Variants in FRMD4A observed in about 807,000 individuals in gnomAD.
FRMD4A encodes the protein FERM domain-containing protein 4A.
FRMD4A carries 29 observed loss-of-function variants against 129.1 expected under a neutral mutation model. The ratio of observed to expected loss-of-function variants is 0.22; its 90% CI spans 0.17 to 0.31. The LOEUF (loss-of-function observed/expected upper bound fraction) is 0.31. Ranked by LOEUF, FRMD4A falls within the 10% of genes least tolerant of loss-of-function variation. The pLI is 1.00. For missense variants in FRMD4A, 1,272 were observed against 1,375.8 expected (o/e 0.92, Z 1.19); for synonymous variants, 634 against 571.6 (o/e 1.11, Z -1.56).
chr10:14,075,284 A>G (rs1835520569), intron 2 of FRMD4A, among the ~76,000 whole-genome samples: 3 of 152,216 alleles, frequency 2.0e-5, no homozygotes, highest in Non-Finnish European at 2.9e-5. Context: ...AGAAGAGGAA[A>G]GGGGAGGACA....
At chr10:14,168,395 C>T (rs1053063805) in intron 2 of FRMD4A, among the ~76,000 whole-genome samples, 1 of 152,230 alleles carries the variant, frequency 6.6e-6, no homozygotes. Context: ...AATCCACAGT[C>T]TCTTCTTCTA....
intron 14 of FRMD4A, among the ~76,000 whole-genome samples, chr10:13,696,748 T>TA (rs1282245117): frequency 1.1e-3 from 169 of 151,140 alleles, no homozygotes; most frequent in African/African-American, 3.4e-3. Context: ...TGAGACTGTC[T>TA]AAAAAAAAAG....
chr10:14,096,209 G>C (rs527574695), intron 2 of FRMD4A, among the ~76,000 whole-genome samples: 1 of 152,286 alleles, frequency 6.6e-6, no homozygotes, highest in East Asian at 1.9e-4. Flanking sequence ...AGGCTGGAGG[G>C]AACCTGTTTG....
chr10:13,992,881 T>A (rs10906561), intron 2 of FRMD4A, among the ~76,000 whole-genome samples: 51,330 of 138,074 alleles, frequency 0.37, 9,535 homozygotes, highest in East Asian at 0.76. Context: ...TGACCCCCGG[T>A]GGCAGAGGTT....
At chr10:14,170,231 T>C (rs11258910) in intron 2 of FRMD4A, among the ~76,000 whole-genome samples, 45,988 of 152,040 alleles carry the variant, frequency 0.3, 7,037 homozygotes, top group Admixed American at 0.34. Flanking sequence ...AAATATAGCA[T>C]GATCAGGAAA....
intron 2 of FRMD4A, among the ~76,000 whole-genome samples, chr10:14,045,814 T>A (rs1003381362): frequency 4.8e-5 from 7 of 146,010 alleles, no homozygotes; most frequent in African/African-American, 1.7e-4. Context: ...ATAGAATAGA[T>A]ATGTATTATA....
intron 2 of FRMD4A, among the ~76,000 whole-genome samples, chr10:14,036,717 GA>G (rs1427389615): frequency 6.6e-6 from 1 of 152,084 alleles, no homozygotes; most frequent in Admixed American, 6.5e-5. Flanking sequence ...CGAGTAGCTG[GA>G]ATTACAGGCT....
chr10:14,124,395 G>A (rs1838711201), intron 2 of FRMD4A, among the ~76,000 whole-genome samples: 1 of 152,174 alleles, frequency 6.6e-6, no homozygotes, highest in Admixed American at 6.5e-5. Flanking sequence ...ATTTAAGTGG[G>A]CCGGACACGG....
intron 2 of FRMD4A, among the ~76,000 whole-genome samples, chr10:13,946,396 A>C (rs1373266176): frequency 6.6e-6 from 1 of 152,176 alleles, no homozygotes; most frequent in African/African-American, 2.4e-5. Context: ...CAGGAGGAGA[A>C]GGGAGTGTTT....
chr10:13,674,598 A>C (rs537684997), intron 16 of FRMD4A, among the ~76,000 whole-genome samples: 4 of 152,368 alleles, frequency 2.6e-5, no homozygotes, highest in South Asian at 2.1e-4. Flanking sequence ...CTTTTAAAAA[A>C]ATTCGCTAAT....
intron 2 of FRMD4A, among the ~76,000 whole-genome samples, chr10:14,255,951 A>C (rs1474525371): frequency 6.6e-6 from 1 of 151,644 alleles, no homozygotes; most frequent in Non-Finnish European, 1.5e-5. Context: ...GGTTGCAGTG[A>C]ATCAAAATCA....
intron 2 of FRMD4A, among the ~76,000 whole-genome samples, chr10:14,025,408 T>G (rs1565193602): frequency 6.6e-6 from 1 of 152,210 alleles, no homozygotes; most frequent in Non-Finnish European, 1.5e-5. Context: ...GTTAAGTACA[T>G]TCACCTTGTA....
At chr10:13,806,973 G>A (rs2093366591) in intron 4 of FRMD4A, among the ~76,000 whole-genome samples, 1 of 152,096 alleles carries the variant, frequency 6.6e-6, no homozygotes, top group African/African-American at 2.4e-5. Context: ...ATACCCGGAT[G>A]ATTTTTTGTA....
chr10:14,293,368 C>T (rs1032415064), intron 2 of FRMD4A, among the ~76,000 whole-genome samples: 2 of 152,164 alleles, frequency 1.3e-5, no homozygotes, highest in African/African-American at 4.8e-5. Flanking sequence ...GACTTCCCAG[C>T]CTCCAGAACT....
At chr10:13,985,821 G>A (rs933870031) in intron 2 of FRMD4A, among the ~76,000 whole-genome samples, 40 of 152,340 alleles carry the variant, frequency 2.6e-4, no homozygotes, top group African/African-American at 9.4e-4. Context: ...CTAGCGTACA[G>A]CCGCCCTCTA....
intron 2 of FRMD4A, among the ~76,000 whole-genome samples, chr10:13,992,393 T>C (rs11258777): frequency 0.29 from 43,456 of 151,982 alleles, 7,336 homozygotes; most frequent in East Asian, 0.73. Context: ...TGTCTGTGGG[T>C]TGGCTTGCAG....
At chr10:14,138,725 A>G (rs1243428942) in intron 2 of FRMD4A, among the ~76,000 whole-genome samples, 1 of 151,366 alleles carries the variant, frequency 6.6e-6, no homozygotes, top group Non-Finnish European at 1.5e-5. Context: ...GCACCACTGC[A>G]CTCCAGCCTG....
At chr10:13,801,946 G>C (rs1349121897) in intron 4 of FRMD4A, among the ~76,000 whole-genome samples, 1 of 132,502 alleles carries the variant, frequency 7.5e-6, no homozygotes, top group Non-Finnish European at 1.5e-5. Context: ...TGGTTTTCAT[G>C]ATTCTCATTG....
chr10:13,901,334 G>A (rs1425752069), intron 2 of FRMD4A, among the ~76,000 whole-genome samples: 1 of 152,224 alleles, frequency 6.6e-6, no homozygotes, highest in African/African-American at 2.4e-5. Context: ...TGGGTGTGGT[G>A]GCTCATGCCT....
Sources: allele counts gnomAD v4.1 joint callset (sites outside exome capture counted in the v4.1 genomes callset), GRCh38; gene constraint gnomAD v4.1.1; transcripts MANE v1.5; gene names NCBI Gene and HGNC (gene_info 2026-07-23, HGNC 2026-07-21).